The following PACRG variants were observed in gnomAD, a reference collection of about 807,000 sequenced individuals.
The protein encoded by PACRG is parkin coregulated.
Under a neutral mutation model 29.7 loss-of-function variants are expected in PACRG, and 29 were observed. The ratio of observed to expected loss-of-function variants is 0.98; its 90% CI spans 0.73 to 1.33. The LOEUF (loss-of-function observed/expected upper bound fraction) is 1.33, where lower values mean the gene tolerates loss of function less well. Among genes scored for constraint, PACRG ranks in the 40% most tolerant of loss-of-function variants. PACRG has a pLI of 0.00. For synonymous variants in PACRG, 116 were observed against 118.7 expected (o/e 0.98, Z 0.15); for missense variants, 279 against 316.2 (o/e 0.88, Z 0.89).
chr6:163,132,198 G>A (rs1816768669), intron 4 of PACRG, among the ~76,000 whole-genome samples: 1 of 152,026 alleles, frequency 6.6e-6, no homozygotes, highest in Non-Finnish European at 1.5e-5. Context: ...AAGATTGGCT[G>A]GTTTTATTTA....
rs190133515 is a variant in PACRG, at chr6:163,013,158, A to C, written c.292-48992A>C. Among the ~76,000 whole-genome samples the C allele has an allele frequency of 6.8e-3, 1,034 of 152,044 alleles. 14 individuals are homozygous for C. The highest frequency in any genetic ancestry group is 0.023 in the African/African-American group (974 of 41,486). ...TTACTTTTTACTTTGGCTTTGAGAA[A>C]ATTTAAAATTATATGTGTGGTTGGT... On this transcript the variant is annotated intron_variant, in intron 2 of 4. Coordinates refer to ENST00000366888, the MANE Select transcript of PACRG (RefSeq NM_001080379.2).
intron 1 of PACRG, among the ~76,000 whole-genome samples, chr6:162,739,855 A>C (rs1380595670): frequency 6.6e-6 from 1 of 151,934 alleles, no homozygotes; most frequent in Non-Finnish European, 1.5e-5. Context: ...AAAAAAAAAA[A>C]AAAAAAAAAT....
At chr6:163,228,045 C>G (rs1781874517) in intron 4 of PACRG, among the ~76,000 whole-genome samples, 1 of 152,116 alleles carries the variant, frequency 6.6e-6, no homozygotes. Context: ...AGTTCAGAGT[C>G]TGGAAATGTA....
chr6:163,024,375 G>A (rs1312688168), intron 2 of PACRG, among the ~76,000 whole-genome samples: 1 of 152,162 alleles, frequency 6.6e-6, no homozygotes, highest in East Asian at 1.9e-4. Flanking sequence ...TTGAATATCA[G>A]ATGGTTGTAG....
In PACRG at chr6:163,020,847, AC is replaced by A. The variant is rs145462156; in HGVS notation, c.292-41301del. ...TGTAGCCTGCTCTTTATTGCCCAGT[AC>A]CTCTAACAGCCCTGCCACCATCAAT... On this transcript the variant is annotated intron_variant, in intron 2 of 4. Transcript: ENST00000366888. 8.8e-3 allele frequency among the ~76,000 whole-genome samples: 1,332 copies of A among 152,190 alleles called. 19 individuals carry two copies. The highest frequency in any genetic ancestry group is 0.031 in the African/African-American group (1,282 of 41,526).
chr6:163,311,572 C>A (rs1351977798), intron 4 of PACRG, among the ~76,000 whole-genome samples: 1 of 152,172 alleles, frequency 6.6e-6, no homozygotes, highest in African/African-American at 2.4e-5. Flanking sequence ...TCACCTGCTT[C>A]TCAACATAGT....
At chr6:163,021,672 C>G (rs913724277) in intron 2 of PACRG, among the ~76,000 whole-genome samples, 1 of 152,176 alleles carries the variant, frequency 6.6e-6, no homozygotes, top group East Asian at 1.9e-4. Flanking sequence ...TGACCTGGCT[C>G]CTTCCCTGAA....
intron 4 of PACRG, among the ~76,000 whole-genome samples, chr6:163,230,679 A>G (rs1229470150): frequency 1.4e-5 from 1 of 71,672 alleles, no homozygotes; most frequent in Admixed American, 1.2e-4. Context: ...GCTGATGGAA[A>G]CAGCAACAGT....
chr6:163,163,183 A>T (rs1778631652), intron 4 of PACRG, among the ~76,000 whole-genome samples: 1 of 152,130 alleles, frequency 6.6e-6, no homozygotes, highest in African/African-American at 2.4e-5. Flanking sequence ...GGCAGCTCCC[A>T]CCTAGGGGTT....
At chr6:162,880,144 A>G (rs1451721094) in intron 2 of PACRG, among the ~76,000 whole-genome samples, 1 of 152,214 alleles carries the variant, frequency 6.6e-6, no homozygotes, top group Non-Finnish European at 1.5e-5. Context: ...GGAAAGAGGA[A>G]AGGTCTGATC....
chr6:163,102,478 C>T (rs924132909), intron 4 of PACRG, among the ~76,000 whole-genome samples: 1 of 152,208 alleles, frequency 6.6e-6, no homozygotes, highest in Non-Finnish European at 1.5e-5. Context: ...TGCTTTGCAT[C>T]CTGGGAAGAT....
intron 1 of PACRG, among the ~76,000 whole-genome samples, chr6:162,786,688 T>C (rs2128319926): frequency 6.6e-6 from 1 of 152,046 alleles, no homozygotes; most frequent in Non-Finnish European, 1.5e-5. Flanking sequence ...CTAATGAAAG[T>C]TGACTGGGGC....
intron 4 of PACRG, among the ~76,000 whole-genome samples, chr6:163,301,615 TGTAGA>T (rs1407781898): frequency 6.6e-6 from 1 of 152,186 alleles, no homozygotes; most frequent in Non-Finnish European, 1.5e-5. Context: ...TTTGTGAGGT[TGTAGA>T]GTAAACTCAT....
chr6:163,040,345 G>T (rs1203071878), intron 2 of PACRG, among the ~76,000 whole-genome samples: 2 of 152,240 alleles, frequency 1.3e-5, no homozygotes, highest in Non-Finnish European at 2.9e-5. Flanking sequence ...TGCTGCAAGG[G>T]CAGAGCCCTC....
At position 163,151,062 on chromosome 6, in the gene PACRG, C is replaced by A. The variant is rs1483178646; in HGVS notation, c.613+61654C>A. Among the ~76,000 whole-genome samples the A allele has an allele frequency of 3.3e-5, 5 of 152,112 alleles. 1 individual carries two copies. The highest frequency in any genetic ancestry group is 1.3e-4 in the Admixed American group (2 of 15,268). ...GTAAACAATGGATGGATTTTTAAAA[C>A]TTTTACATCTCAAAGAAGACATGAA... On this transcript the variant is annotated intron_variant, in intron 4 of 4. Coordinates refer to ENST00000366888, the MANE Select transcript of PACRG (RefSeq NM_001080379.2).
At chr6:162,959,329 G>A (rs1800413899) in intron 2 of PACRG, among the ~76,000 whole-genome samples, 1 of 152,000 alleles carries the variant, frequency 6.6e-6, no homozygotes, top group African/African-American at 2.4e-5. Flanking sequence ...TAACTAGAGG[G>A]GTCAGGGTGA....
chr6:162,934,139 C>CTG (rs1798068003), intron 2 of PACRG, among the ~76,000 whole-genome samples: 2 of 152,194 alleles, frequency 1.3e-5, no homozygotes, highest in South Asian at 4.1e-4. Flanking sequence ...TGGCACACTC[C>CTG]TGTAATCGCA....
intron 1 of PACRG, among the ~76,000 whole-genome samples, chr6:162,794,164 C>T (rs937233154): frequency 6.6e-6 from 1 of 152,044 alleles, no homozygotes; most frequent in Non-Finnish European, 1.5e-5. Context: ...CATCTAGTAA[C>T]ATAAAGATGT....
intron 2 of PACRG, among the ~76,000 whole-genome samples, chr6:162,899,264 G>A (rs1795381745): frequency 6.6e-6 from 1 of 152,078 alleles, no homozygotes; most frequent in African/African-American, 2.4e-5. Context: ...GAGGTTAGAG[G>A]GAGATGCAGT....
Sources: allele counts gnomAD v4.1 joint callset (sites outside exome capture counted in the v4.1 genomes callset), GRCh38; gene constraint gnomAD v4.1.1; transcripts MANE v1.5; gene names NCBI Gene and HGNC (gene_info 2026-07-23, HGNC 2026-07-21).